NCOA1: variants seen among roughly 807,000 people sequenced by gnomAD.
The protein encoded by NCOA1 is Hin-2 protein.
NCOA1 carries 35 observed loss-of-function variants against 150.9 expected under a neutral mutation model. That is an observed-to-expected ratio of 0.23 (90% CI 0.18 to 0.31). The LOEUF (loss-of-function observed/expected upper bound fraction) is 0.31. NCOA1 is among the 10% of genes least tolerant of loss of function. The pLI is 1.00. For synonymous variants in NCOA1, 590 were observed against 630.0 expected, an observed-to-expected ratio of 0.94 and a Z score of 0.95; for missense variants, 1,491 against 1,749.3, an observed-to-expected ratio of 0.85 and a Z score of 2.63.
Position 24,691,690 on chromosome 2 carries a change from T to C in NCOA1, c.712+30T>C, listed in dbSNP as rs755071560. The C allele has an allele frequency of 1.5e-5, 24 of 1,593,024 alleles. No individual in the cohort carries two copies. The South Asian group carries it at 2.7e-4, about 18-fold the overall frequency. ...AGCCAAACGGTCTTTTTAAAGTGTT[T>C]ATTTCTTCTGTGACTTTAAGGAAAA... On this transcript the variant is annotated intron_variant, in intron 9 of 22. Coordinates refer to ENST00000348332, the MANE Select transcript of NCOA1 (RefSeq NM_003743.5).
chr2:24,700,822 A>G (rs1673121782), intron 11 of NCOA1, among the ~76,000 whole-genome samples: 1 of 152,192 alleles, frequency 6.6e-6, no homozygotes, highest in Non-Finnish European at 1.5e-5. Context: ...ACCCCGGACT[A>G]CTGAATCAGA....
intron 4 of NCOA1, among the ~76,000 whole-genome samples, chr2:24,644,538 A>G (rs940231340): frequency 1.3e-5 from 2 of 152,144 alleles, no homozygotes; most frequent in Admixed American, 1.3e-4. Flanking sequence ...ATACCCATAT[A>G]ATATATACCT....
At chr2:24,696,036 A>T (rs1672886229) in intron 10 of NCOA1, among the ~76,000 whole-genome samples, 1 of 152,188 alleles carries the variant, frequency 6.6e-6, no homozygotes, top group East Asian at 1.9e-4. Context: ...TGAACAATTA[A>T]AATTCTTAAA....
At chr2:24,732,941 G>A (rs547002829) in intron 17 of NCOA1, among the ~76,000 whole-genome samples, 2 of 151,284 alleles carry the variant, frequency 1.3e-5, no homozygotes, top group African/African-American at 4.9e-5. Flanking sequence ...AAAAAAAAAA[G>A]TAAAAAGGGG....
At chr2:24,512,013 C>T (rs1663954772) in intron 1 of NCOA1, among the ~76,000 whole-genome samples, 1 of 152,090 alleles carries the variant, frequency 6.6e-6, no homozygotes, top group Non-Finnish European at 1.5e-5. Flanking sequence ...TATGATTCTG[C>T]CACTTCATTT....
chr2:24,498,634 G>A (rs1197361886), intron 1 of NCOA1, among the ~76,000 whole-genome samples: 2 of 152,110 alleles, frequency 1.3e-5, no homozygotes, highest in East Asian at 1.9e-4. Flanking sequence ...ATGAAAAGAC[G>A]GAGTAATGCA....
In NCOA1 at chr2:24,739,355, A is replaced by G. The variant is rs945251574; in HGVS notation, c.3202-77A>G. The G allele has an allele frequency of 5.1e-5, 53 of 1,033,226 alleles. No individual in the cohort carries two copies. In the Admixed American group the frequency reaches 1.0e-3, roughly 19 times the overall value. The allele number at this position is 1,033,226 out of a possible 1,614,324, so 64.0% of individuals were successfully genotyped here. A position where few individuals can be genotyped will look rare whatever the true frequency, so the allele number is the denominator to read the frequency against. On this transcript the variant is annotated intron_variant, in intron 17 of 22. Transcript: ENST00000348332. ...ACTAAAACTTTTTAGTAATCAATAG[A>G]AAGTTTGTGTTACTTTATAAGGCCC...
chr2:24,751,673 A>G (rs926963927), intron 19 of NCOA1, among the ~76,000 whole-genome samples: 1 of 152,166 alleles, frequency 6.6e-6, no homozygotes, highest in Non-Finnish European at 1.5e-5. Context: ...TCACATAAGC[A>G]AAAAAGAACA....
At chr2:24,540,089 G>A (rs950415961) in intron 1 of NCOA1, among the ~76,000 whole-genome samples, 1 of 152,156 alleles carries the variant, frequency 6.6e-6, no homozygotes, top group Non-Finnish European at 1.5e-5. Context: ...TATGAGATAA[G>A]TACTGCTCCT....
intron 14 of NCOA1, among the ~76,000 whole-genome samples, chr2:24,724,152 A>G (rs1036378551): frequency 6.6e-6 from 1 of 151,966 alleles, no homozygotes; most frequent in Admixed American, 6.6e-5. Context: ...TTTTAAATGG[A>G]GGAAGTATGA....
chr2:24,583,646 A>G (rs1299223058), intron 2 of NCOA1, among the ~76,000 whole-genome samples: 5 of 152,208 alleles, frequency 3.3e-5, no homozygotes, highest in Non-Finnish European at 7.4e-5. Flanking sequence ...CAACCTAAAT[A>G]TCTATCAACA....
At chr2:24,741,055 T>A (rs1279152557) in intron 18 of NCOA1, among the ~76,000 whole-genome samples, 2 of 152,206 alleles carry the variant, frequency 1.3e-5, no homozygotes, top group Non-Finnish European at 2.9e-5. Flanking sequence ...TTCCATTTAT[T>A]TCTTTTTACT....
intron 14 of NCOA1, among the ~76,000 whole-genome samples, chr2:24,721,629 T>C (rs926642907): frequency 6.6e-6 from 1 of 152,228 alleles, no homozygotes; most frequent in African/African-American, 2.4e-5. Context: ...TTGAGTCATA[T>C]GCTCACAATT....
At chr2:24,697,835 T>G in intron 11 of NCOA1, 37 bp downstream of exon 11, 1 of 1,570,944 alleles carries the variant, frequency 6.4e-7, no homozygotes. Context: ...CATTAACCCT[T>G]ATCTTTACTG....
rs1484809404 is a variant in NCOA1 at position 24,665,788 on chromosome 2, A to G, written c.129A>G (p.Leu43=). ...GCAGGGAGCAAGAAAATAAATATTT[A>G]GAAGAACTAGCTGAGTTACTGTCTG... ...KRRREQENKY[L]EELAELLSAN... is the part of the protein sequence containing the mutation. The change falls in exon 6 of 23, where the codon TTA becomes TTG. Residue 43 remains leucine, a synonymous_variant. Transcript: ENST00000348332. 6.3e-7 allele frequency: 1 copy of G among 1,597,020 alleles called. No individual in the cohort carries two copies. The highest frequency in any genetic ancestry group is 1.3e-5 in the African/African-American group (1 of 74,252).
chr2:24,682,991 G>A lies in NCOA1; in HGVS notation c.395G>A (p.Arg132Lys). The change falls in exon 8 of 23, where the codon AGA (arginine) becomes AAA (lysine). Residue 132 changes from arginine to lysine, a missense_variant. Arg to Lys is a conservative substitution (Grantham distance 26). Transcript: ENST00000348332. Reference sequence around the variant, plus strand: ...TTCTTTGTTGTGAACTGTGAAGGGAGAATTGTATTTGTGTCAGAGAATGTA... The same window carrying A: ...TTCTTTGTTGTGAACTGTGAAGGGAAAATTGTATTTGTGTCAGAGAATGTA... ...GFFFVVNCEG[R>K]IVFVSENVTS... 6.2e-7 allele frequency: 1 copy of A among 1,605,876 alleles called. No homozygotes were observed. Among genetic ancestry groups the A allele is most frequent in the Non-Finnish European group, 8.5e-7 (1 of 1,177,124 alleles).
chr2:24,524,833 C>T (rs923071277), intron 1 of NCOA1, among the ~76,000 whole-genome samples: 14 of 152,208 alleles, frequency 9.2e-5, no homozygotes, highest in Middle Eastern at 3.2e-3. Flanking sequence ...TGGTCTTGAA[C>T]TCCCAACCTC....
rs567163569 is a variant in NCOA1 at position 24,662,798 on chromosome 2, T to C, written c.90-2951T>C. Among the ~76,000 whole-genome samples, 106 of 151,922 alleles carry C rather than the reference T, an allele frequency of 7.0e-4. 1 individual carries two copies. Among genetic ancestry groups the C allele is most frequent in the African/African-American group, 2.5e-3 (103 of 41,446 alleles). ...TTGGGCCTGTGCATTTTTTTTTTTTTCTGTTAAGGGACAGGATCTCATTCT... is the reference window on the plus strand; with the variant it reads ...TTGGGCCTGTGCATTTTTTTTTTTTCCTGTTAAGGGACAGGATCTCATTCT... On this transcript the variant is annotated intron_variant, in intron 5 of 22. Coordinates refer to ENST00000348332, the MANE Select transcript of NCOA1 (RefSeq NM_003743.5).
chr2:24,726,809 G>T, intron 15 of NCOA1, 103 bp downstream of exon 15: 28 of 424,734 alleles, frequency 6.6e-5, no homozygotes, highest in East Asian at 2.8e-4. Flanking sequence ...TATTTTGTGA[G>T]ATATTAATAG....
Sources: gnomAD v4.1 joint callset for allele counts (sites outside exome capture counted in the v4.1 genomes callset) on GRCh38, gnomAD v4.1.1 for gene constraint, MANE v1.5 for transcripts, NCBI Gene and HGNC (gene_info 2026-07-23, HGNC 2026-07-21) for gene names.